The following TMEM161A variants were observed in gnomAD, a reference collection of about 807,000 sequenced individuals.
The protein encoded by TMEM161A is adaptive response to oxidative stress protein 29.
A neutral mutation model predicts 57.1 loss-of-function variants in TMEM161A; 46 were observed. That is an observed-to-expected ratio of 0.81 (90% CI 0.64 to 1.03). TMEM161A has a LOEUF of 1.03. Among genes scored for constraint, TMEM161A ranks in the 50% least tolerant of loss-of-function variants. TMEM161A has a pLI of 0.00. For synonymous variants in TMEM161A, 288 were observed against 279.0 expected (o/e 1.03, Z -0.32); for missense variants, 601 against 621.5 (o/e 0.97, Z 0.35).
At chr19:19,126,974 G>A (rs1272485349) in intron 6 of TMEM161A, among the ~76,000 whole-genome samples, 1 of 83,062 alleles carries the variant, frequency 1.2e-5, no homozygotes, top group East Asian at 9.3e-4. Context: ...TTGAATCCGG[G>A]AGGCAAAGGT....
At chr19:19,120,892 A>T (rs2059906192) in intron 10 of TMEM161A, 31 bp from the exon 11 acceptor site, 2 of 1,612,278 alleles carry the variant, frequency 1.2e-6, no homozygotes, top group African/African-American at 1.3e-5. Flanking sequence ...TGGCTGCAGC[A>T]GGAGGCCTTC....
chr19:19,135,855 C>T (rs1357511643), intron 1 of TMEM161A, among the ~76,000 whole-genome samples: 1 of 152,128 alleles, frequency 6.6e-6, no homozygotes, highest in East Asian at 1.9e-4. Flanking sequence ...GGATTACAGG[C>T]GTGAGCCACT....
Position 19,134,843 on chromosome 19 carries a change from G to A in TMEM161A, c.48C>T (p.Thr16=). ...AGTGTGGCGCCAGCCTGTGCATGAG[G>A]GTGGCAGTGAGCAGGGTCACCACCA... The part of the protein sequence containing the change: ...VQLVVTLLTA[T]LMHRLAPHCS... The change falls in exon 2 of 12, where the codon ACC becomes ACT. Residue 16 remains threonine (T), a synonymous_variant. Coordinates refer to ENST00000162044, the MANE Select transcript of TMEM161A (RefSeq NM_017814.3). The A allele has an allele frequency of 2.5e-6, 4 of 1,599,766 alleles. No homozygotes were observed. The highest frequency in any genetic ancestry group is 3.4e-6 in the Non-Finnish European group (4 of 1,173,882).
rs757930825 is a variant in TMEM161A at position 19,132,548 on chromosome 19, C to T, written c.287-40G>A. 8.7e-6 allele frequency: 14 copies of T among 1,601,150 alleles called. No homozygotes were observed. Among genetic ancestry groups the T allele is most frequent in the Non-Finnish European group, 1.2e-5 (14 of 1,173,304 alleles). Reference sequence around the variant, plus strand: ...CTGCTCAGCCCTGGGGCCCAGCTCGCTCCCCTCCTAATAGAACATTCTTCC... The same window carrying T: ...CTGCTCAGCCCTGGGGCCCAGCTCGTTCCCCTCCTAATAGAACATTCTTCC... On this transcript the variant is annotated intron_variant, in intron 4 of 11. Coordinates refer to ENST00000162044, the MANE Select transcript of TMEM161A (RefSeq NM_017814.3). This position sits in a 1 kb window ranked among gnomAD's most constrained non-coding sequence, Gnocchi z 4.3.
Position 19,132,817 on chromosome 19 carries a change from TCA to T in TMEM161A, c.189-65_189-64del. On this transcript the variant is annotated intron_variant, in intron 3 of 11. Transcript: ENST00000162044. This position sits in a 1 kb window ranked among gnomAD's most constrained non-coding sequence, Gnocchi z 4.3. ...CGCATTCCACTGAGGCCAGCCACCCTCAGAGCTCAGAGCAGCTGGCCTGGAGA... is the reference window on the plus strand; with the variant it reads ...CGCATTCCACTGAGGCCAGCCACCCTGAGCTCAGAGCAGCTGGCCTGGAGA... 7.7e-7 allele frequency: 1 copy of T among 1,298,538 alleles called. No individual in the cohort carries two copies. The highest frequency in any genetic ancestry group is 1.1e-6 in the Non-Finnish European group (1 of 945,538). 80.4% of individuals were successfully genotyped at this position (1,298,538 alleles called of 1,614,324 possible).
At chr19:19,133,469 T>C in intron 2 of TMEM161A, 1 of 446,994 alleles carries the variant, frequency 2.2e-6, no homozygotes, top group Non-Finnish European at 4.0e-6. Flanking sequence ...CAACTTTTCT[T>C]TTCTTTTTCA....
intron 6 of TMEM161A, among the ~76,000 whole-genome samples, chr19:19,123,043 T>A (rs569145673): frequency 6.6e-6 from 1 of 152,174 alleles, no homozygotes; most frequent in Non-Finnish European, 1.5e-5. Flanking sequence ...ACTGTAAGTA[T>A]TGAAATAATA....
intron 1 of TMEM161A, among the ~76,000 whole-genome samples, chr19:19,136,891 G>C (rs2059987178): frequency 6.6e-6 from 1 of 151,982 alleles, no homozygotes; most frequent in Non-Finnish European, 1.5e-5. Flanking sequence ...GCCCCTGCAA[G>C]CCAGTGGGTC....
At position 19,134,826 on chromosome 19, in the gene TMEM161A, G is replaced by GC; in HGVS notation, c.64dup (p.Ala22GlyfsTer13). 2 of 1,596,078 alleles carry GC rather than the reference G, an allele frequency of 1.3e-6. No homozygotes were observed. Among genetic ancestry groups the GC allele is most frequent in the South Asian group, 2.3e-5 (2 of 87,998 alleles). Reference sequence around the variant, plus strand: ...CCAGCGCGCGAAGGAGCAGTGTGGCGCCAGCCTGTGCATGAGGGTGGCAGT... The same window carrying GC: ...CCAGCGCGCGAAGGAGCAGTGTGGCGCCCAGCCTGTGCATGAGGGTGGCAGT... On this transcript the variant is annotated frameshift_variant, in exon 2 of 12. Coordinates refer to ENST00000162044, the MANE Select transcript of TMEM161A (RefSeq NM_017814.3). LOFTEE classifies it high-confidence loss of function.
chr19:19,133,181 T>A lies in TMEM161A; in HGVS notation c.137A>T (p.Glu46Val), dbSNP rs374326869. The change falls in exon 3 of 12, where the codon GAG (glutamate) becomes GTG (valine). Residue 46 changes from glutamate (E) to valine (V), a missense_variant. By Grantham distance (121) the Glu-to-Val change is moderately radical. Transcript: ENST00000162044. ...CTTCCCCGCCAGGGCCCGAAGCTCC[T>A]CCTCAGACGGGTGCTTGTATCGGAA... ...SLFRYKHPSE[E>V]ELRALAGKPR... is the part of the protein sequence containing the mutation. 1 of 1,614,010 alleles carries A rather than the reference T, an allele frequency of 6.2e-7. No individual in the cohort carries two copies. The highest frequency in any genetic ancestry group is 1.3e-5 in the African/African-American group (1 of 74,924).
chr19:19,121,654 T>C lies in TMEM161A; in HGVS notation c.671A>G (p.Lys224Arg). The C allele has an allele frequency of 6.2e-7, 1 of 1,613,760 alleles. No homozygotes were observed. The highest frequency in any genetic ancestry group is 2.2e-5 in the East Asian group (1 of 44,872). ...TGCCAGTCCCACGCGGATAGCCAGCTTGGCCACAGGAAGCCTAGGAGAACA... is the reference window on the plus strand; with the variant it reads ...TGCCAGTCCCACGCGGATAGCCAGCCTGGCCACAGGAAGCCTAGGAGAACA... ...QGWDWALPVA[K>R]LAIRVGLAVV... Residue 224 changes from lysine (K) to arginine (R), a missense_variant, in exon 8 of 12, where the codon AAG becomes AGG. Coordinates refer to ENST00000162044, the MANE Select transcript of TMEM161A (RefSeq NM_017814.3). The surrounding 1 kb of genome is among the most constrained non-coding windows in gnomAD (Gnocchi z 5.8).
intron 1 of TMEM161A, among the ~76,000 whole-genome samples, chr19:19,137,914 T>C (rs2059991465): frequency 6.6e-6 from 1 of 152,134 alleles, no homozygotes; most frequent in South Asian, 2.1e-4. Flanking sequence ...CTGAGAACCT[T>C]GCCCGCCCTG....
chr19:19,137,893 T>C (rs1287829935), intron 1 of TMEM161A, among the ~76,000 whole-genome samples: 1 of 152,176 alleles, frequency 6.6e-6, no homozygotes, highest in African/African-American at 2.4e-5. Context: ...CCAACTTTCC[T>C]GTCTCCCACT....
intron 2 of TMEM161A, 89 bp from the exon 3 acceptor site, chr19:19,133,299 A>G: frequency 8.4e-7 from 1 of 1,189,246 alleles, no homozygotes; most frequent in Non-Finnish European, 1.2e-6. Context: ...TTCTAGTTAG[A>G]GGGTAGCCTA....
intron 1 of TMEM161A, among the ~76,000 whole-genome samples, chr19:19,137,187 C>G (rs1331904943): frequency 6.6e-6 from 1 of 152,154 alleles, no homozygotes; most frequent in Non-Finnish European, 1.5e-5. Context: ...CAGCCCCCAA[C>G]TTGGTTCTGC....
intron 6 of TMEM161A, among the ~76,000 whole-genome samples, chr19:19,122,414 C>T (rs111782341): frequency 1.1e-4 from 16 of 152,260 alleles, no homozygotes; most frequent in African/African-American, 3.9e-4. Context: ...GGATGAAGGA[C>T]TCCTGCAGGA....
Position 19,121,450 on chromosome 19 carries a change from G to A in TMEM161A, c.801-29C>T, listed in dbSNP as rs1280497285. 1 of 1,613,556 alleles carries A rather than the reference G, an allele frequency of 6.2e-7. No individual in the cohort carries two copies. The highest frequency in any genetic ancestry group is 1.1e-5 in the South Asian group (1 of 91,080). ...GGGGGTGAGGGCAGGAGGGAGTGAGGCCTGGGTACCCCCTCTCCTCGAGTC... is the reference window on the plus strand; with the variant it reads ...GGGGGTGAGGGCAGGAGGGAGTGAGACCTGGGTACCCCCTCTCCTCGAGTC... On this transcript the variant is annotated intron_variant, in intron 8 of 11. Coordinates refer to ENST00000162044, the MANE Select transcript of TMEM161A (RefSeq NM_017814.3). The surrounding 1 kb of genome is among the most constrained non-coding windows in gnomAD (Gnocchi z 5.8).
At chr19:19,137,221 C>A (rs1251730341) in intron 1 of TMEM161A, among the ~76,000 whole-genome samples, 1 of 152,114 alleles carries the variant, frequency 6.6e-6, no homozygotes, top group Non-Finnish European at 1.5e-5. Flanking sequence ...AGCTAGAGAC[C>A]ATCCCTCCAC....
chr19:19,130,011 G>A (rs563108403), intron 6 of TMEM161A, 145 bp downstream of exon 6: 233 of 845,884 alleles, frequency 2.8e-4, no homozygotes, highest in Non-Finnish European at 3.6e-4. Flanking sequence ...CAGGAGCTGA[G>A]ATGGTCACTA....
Sources: gnomAD v4.1 joint callset for allele counts (sites outside exome capture counted in the v4.1 genomes callset) on GRCh38, gnomAD v4.1.1 for gene constraint, Gnocchi (gnomAD v3.1) non-coding constraint, MANE v1.5 for transcripts, NCBI Gene and HGNC (gene_info 2026-07-23, HGNC 2026-07-21) for gene names.